NLGN1: variants seen among roughly 807,000 people sequenced by gnomAD.
The protein encoded by NLGN1 is neuroligin-1.
Under a neutral mutation model 65.5 loss-of-function variants are expected in NLGN1, and 12 were observed. The ratio of observed to expected loss-of-function variants is 0.18; its 90% CI spans 0.12 to 0.30. NLGN1 has a LOEUF of 0.30. NLGN1 is among the 10% of genes least tolerant of loss of function. The pLI is 1.00. For missense variants in NLGN1, 750 were observed against 1,007.1 expected (o/e 0.74, Z 3.46); for synonymous variants, 350 against 359.5 (o/e 0.97, Z 0.30).
chr3:174,028,048 G>A (rs552568461), intron 4 of NLGN1, among the ~76,000 whole-genome samples: 5 of 152,268 alleles, frequency 3.3e-5, no homozygotes, highest in African/African-American at 9.6e-5. Context: ...CATGTAAGAT[G>A]TGACTTTGCT....
chr3:174,211,203 C>G (rs1057471890), intron 4 of NLGN1, among the ~76,000 whole-genome samples: 14 of 152,168 alleles, frequency 9.2e-5, no homozygotes, highest in African/African-American at 2.9e-4. Context: ...ACAAAGCTTC[C>G]GCAGTGTGGA....
chr3:173,772,851 C>T (rs1291641457), intron 3 of NLGN1, among the ~76,000 whole-genome samples: 1 of 152,098 alleles, frequency 6.6e-6, no homozygotes, highest in Non-Finnish European at 1.5e-5. Context: ...CAGACTCCTC[C>T]TCCTAATTGC....
intron 4 of NLGN1, among the ~76,000 whole-genome samples, chr3:174,240,948 T>C (rs1227723453): frequency 6.6e-6 from 1 of 152,156 alleles, no homozygotes; most frequent in Non-Finnish European, 1.5e-5. Flanking sequence ...TTCCACCAAT[T>C]TCCAAAATCT....
At chr3:174,046,802 A>G (rs1560915655) in intron 4 of NLGN1, among the ~76,000 whole-genome samples, 1 of 152,098 alleles carries the variant, frequency 6.6e-6, no homozygotes, top group African/African-American at 2.4e-5. Context: ...CTATTACTAA[A>G]CAAGGAATTG....
intron 4 of NLGN1, among the ~76,000 whole-genome samples, chr3:174,146,143 TCCTTCCTTCCTCTCTC>T (rs1723223893): frequency 7.3e-6 from 1 of 136,180 alleles, no homozygotes; most frequent in Non-Finnish European, 1.5e-5. Flanking sequence ...CTTCCTTCCT[TCCTTCCTTCCTCTCTC>T]CCTCCCTCCC....
At chr3:173,862,739 G>A (rs1729397111) in intron 4 of NLGN1, among the ~76,000 whole-genome samples, 1 of 151,830 alleles carries the variant, frequency 6.6e-6, no homozygotes, top group Non-Finnish European at 1.5e-5. Context: ...TCAATGCATT[G>A]ATAATATAAT....
At chr3:173,413,566 C>T (rs1307326173) in intron 1 of NLGN1, among the ~76,000 whole-genome samples, 1 of 151,964 alleles carries the variant, frequency 6.6e-6, no homozygotes, top group Non-Finnish European at 1.5e-5. Context: ...TGCCACTGTA[C>T]TCCAGCCTGG....
intron 3 of NLGN1, among the ~76,000 whole-genome samples, chr3:173,715,089 G>T (rs776866967): frequency 1.8e-4 from 28 of 152,228 alleles, no homozygotes; most frequent in Admixed American, 5.2e-4. Flanking sequence ...AGGCATGAAA[G>T]GTGGGGGAGA....
At chr3:173,979,162 A>G (rs34048566) in intron 4 of NLGN1, among the ~76,000 whole-genome samples, 1 of 152,034 alleles carries the variant, frequency 6.6e-6, no homozygotes, top group Non-Finnish European at 1.5e-5. Context: ...TAAATTGAGG[A>G]GTGAATGGGG....
intron 3 of NLGN1, among the ~76,000 whole-genome samples, chr3:173,793,029 A>G (rs1165691405): frequency 6.6e-6 from 1 of 152,152 alleles, no homozygotes; most frequent in East Asian, 1.9e-4. Flanking sequence ...GTTCTCTTAG[A>G]GTGCTTGCAA....
At chr3:174,059,727 C>T (rs1202744475) in intron 4 of NLGN1, among the ~76,000 whole-genome samples, 1 of 152,128 alleles carries the variant, frequency 6.6e-6, no homozygotes, top group African/African-American at 2.4e-5. Flanking sequence ...CCTATGATAG[C>T]TAATTCTTGT....
At chr3:173,445,875 C>T (rs78369124) in intron 2 of NLGN1, among the ~76,000 whole-genome samples, 18,928 of 152,108 alleles carry the variant, frequency 0.12, 1,333 homozygotes, top group South Asian at 0.23. Flanking sequence ...AATATGATTG[C>T]TCTTCTTTAG....
intron 4 of NLGN1, among the ~76,000 whole-genome samples, chr3:174,136,811 A>G (rs1217984133): frequency 1.3e-5 from 2 of 152,122 alleles, no homozygotes; most frequent in African/African-American, 4.8e-5. Flanking sequence ...TTTATCTTAC[A>G]GAATATTTGT....
At chr3:173,907,699 C>T (rs1007109840) in intron 4 of NLGN1, among the ~76,000 whole-genome samples, 1 of 151,920 alleles carries the variant, frequency 6.6e-6, no homozygotes, top group African/African-American at 2.4e-5. Context: ...ATTCTCCTGC[C>T]TCAGCCTCCT....
chr3:173,692,354 T>TA (rs1013883979), intron 3 of NLGN1, among the ~76,000 whole-genome samples: 3 of 152,130 alleles, frequency 2.0e-5, no homozygotes, highest in African/African-American at 7.2e-5. Flanking sequence ...AAGAAGTTTT[T>TA]ATTCAATTAA....
intron 2 of NLGN1, among the ~76,000 whole-genome samples, chr3:173,520,793 A>C (rs1427932978): frequency 6.6e-6 from 1 of 152,250 alleles, no homozygotes; most frequent in Non-Finnish European, 1.5e-5. Flanking sequence ...TAGTAAAAGA[A>C]GAGCCAATTT....
chr3:173,942,638 A>G (rs1043965981), intron 4 of NLGN1, among the ~76,000 whole-genome samples: 2 of 152,012 alleles, frequency 1.3e-5, no homozygotes, highest in African/African-American at 4.8e-5. Context: ...TGCAACCAAA[A>G]AAGAACAAAA....
intron 3 of NLGN1, among the ~76,000 whole-genome samples, chr3:173,624,749 A>C (rs1416258034): frequency 6.6e-6 from 1 of 152,172 alleles, no homozygotes; most frequent in African/African-American, 2.4e-5. Flanking sequence ...TTCTAATAGA[A>C]GGTAAATAAT....
intron 3 of NLGN1, among the ~76,000 whole-genome samples, chr3:173,777,463 A>C (rs1470930268): frequency 1.3e-5 from 2 of 151,952 alleles, no homozygotes; most frequent in Non-Finnish European, 2.9e-5. Flanking sequence ...TGATCAAATC[A>C]GGATAATTGG....
Sources: gnomAD v4.1 joint callset for allele counts (sites outside exome capture counted in the v4.1 genomes callset) on GRCh38, gnomAD v4.1.1 for gene constraint, MANE v1.5 for transcripts, NCBI Gene and HGNC (gene_info 2026-07-23, HGNC 2026-07-21) for gene names.